SYT13: variants seen among roughly 807,000 people sequenced by gnomAD.
The protein encoded by SYT13 is synaptotagmin 13, also known as synaptotagmin-13.
In SYT13, 21 loss-of-function variants were observed where a neutral mutation model predicts 38.6. The observed-to-expected ratio is 0.54, with a 90% CI of 0.39 to 0.78. The LOEUF (loss-of-function observed/expected upper bound fraction) is 0.78. SYT13 is among the 30% of genes least tolerant of loss of function. The pLI, the probability that SYT13 is intolerant of heterozygous loss-of-function variation, is 0.00. For missense variants in SYT13, 495 were observed against 548.7 expected, an observed-to-expected ratio of 0.90 and a Z score of 0.98; for synonymous variants, 241 against 237.6, an observed-to-expected ratio of 1.01 and a Z score of -0.13.
At chr11:45,263,452 C>T (rs1411978771) in intron 1 of SYT13, among the ~76,000 whole-genome samples, 1 of 152,150 alleles carries the variant, frequency 6.6e-6, no homozygotes. Context: ...TAGCACTGCA[C>T]CACCCAGGAG....
At chr11:45,281,786 C>G (rs11038380) in intron 1 of SYT13, among the ~76,000 whole-genome samples, 1 of 152,186 alleles carries the variant, frequency 6.6e-6, no homozygotes, top group Non-Finnish European at 1.5e-5. Flanking sequence ...GGGGACCTCT[C>G]TGGCATTTGA....
intron 2 of SYT13, among the ~76,000 whole-genome samples, chr11:45,254,821 CAA>C (rs1854724154): frequency 6.6e-6 from 1 of 152,098 alleles, no homozygotes; most frequent in Non-Finnish European, 1.5e-5. Context: ...GAAATAATAA[CAA>C]TATGTTTCGA....
At chr11:45,274,407 A>G (rs574489822) in intron 1 of SYT13, among the ~76,000 whole-genome samples, 2 of 152,354 alleles carry the variant, frequency 1.3e-5, no homozygotes, top group East Asian at 1.9e-4. Flanking sequence ...AGATCATTAG[A>G]TGATGCATTG....
intron 1 of SYT13, chr11:45,285,732 C>T: frequency 1.5e-6 from 1 of 647,748 alleles, no homozygotes; most frequent in South Asian, 1.7e-5. Context: ...ATCCAGGTCC[C>T]CTTTCCTGTC....
At chr11:45,268,544 T>G (rs1357978355) in intron 1 of SYT13, among the ~76,000 whole-genome samples, 1 of 152,216 alleles carries the variant, frequency 6.6e-6, no homozygotes, top group East Asian at 1.9e-4. Flanking sequence ...CCATTCGGTT[T>G]CATTTAAACT....
chr11:45,246,698 G>T (rs1854618509), intron 4 of SYT13, among the ~76,000 whole-genome samples, 186 bp from the exon 5 acceptor site: 2 of 152,300 alleles, frequency 1.3e-5, no homozygotes, highest in South Asian at 2.1e-4. Context: ...ATTCCATGCG[G>T]CATGCGCTTC....
At chr11:45,259,781 A>G (rs952812193) in intron 1 of SYT13, among the ~76,000 whole-genome samples, 6 of 152,168 alleles carry the variant, frequency 3.9e-5, no homozygotes, top group African/African-American at 1.2e-4. Context: ...ATTCCACAGT[A>G]GTAGAAGTCC....
intron 5 of SYT13, among the ~76,000 whole-genome samples, chr11:45,244,809 A>G (rs913271991): frequency 2.0e-5 from 3 of 152,198 alleles, no homozygotes; most frequent in East Asian, 3.9e-4. Context: ...GGCCAATACC[A>G]TGATATAGAA....
chr11:45,279,605 G>T (rs1401093786), intron 1 of SYT13, among the ~76,000 whole-genome samples: 2 of 152,102 alleles, frequency 1.3e-5, no homozygotes, highest in Non-Finnish European at 2.9e-5. Flanking sequence ...TTTTAATATG[G>T]TTAAAATGCT....
chr11:45,285,352 CAG>C (rs1464704194), intron 1 of SYT13, among the ~76,000 whole-genome samples: 1 of 152,198 alleles, frequency 6.6e-6, no homozygotes, highest in Admixed American at 6.5e-5. Context: ...GGGACGTCTG[CAG>C]AGACATCTTG....
intron 2 of SYT13, among the ~76,000 whole-genome samples, chr11:45,254,946 T>A (rs529746983): frequency 0.015 from 908 of 62,330 alleles, 6 homozygotes; most frequent in Non-Finnish European, 0.038. Context: ...AGATCTCATG[T>A]CTACAAAAAA....
At position 45,252,512 on chromosome 11, in the gene SYT13, T is replaced by C. The variant is rs1231287614; in HGVS notation, c.755A>G (p.His252Arg). 3 of 1,614,000 alleles carry C rather than the reference T, an allele frequency of 1.9e-6. No homozygotes were observed. Among genetic ancestry groups the C allele is most frequent in the Non-Finnish European group, 2.5e-6 (3 of 1,180,012 alleles). Residue 252 changes from histidine to arginine, a missense_variant, in exon 4 of 6, where the codon CAC becomes CGC. Physicochemically the swap from His to Arg is conservative, Grantham distance 29. Coordinates refer to ENST00000020926, the MANE Select transcript of SYT13 (RefSeq NM_020826.3). The surrounding 1 kb of genome is among the most constrained non-coding windows in gnomAD (Gnocchi z 4.3). ...CAGGCGGAGCTCCCCGGCCACGCTG[T>C]GACGGGAGAAGCGGTCGCAGGTCCT... Reference protein sequence around the residue: ...TLRTCDRFSRHSVAGELRLGL... With the variant: ...TLRTCDRFSRRSVAGELRLGL...
At chr11:45,264,998 C>G (rs1854864482) in intron 1 of SYT13, among the ~76,000 whole-genome samples, 1 of 152,138 alleles carries the variant, frequency 6.6e-6, no homozygotes, top group Non-Finnish European at 1.5e-5. Flanking sequence ...CGTATTTATC[C>G]AAGAGAAAGG....
intron 1 of SYT13, among the ~76,000 whole-genome samples, chr11:45,265,363 C>T (rs1854869118): frequency 6.6e-6 from 1 of 152,244 alleles, no homozygotes; most frequent in African/African-American, 2.4e-5. Context: ...GGCAGTGGAG[C>T]TGCTATTGAC....
At position 45,284,875 on chromosome 11, in the gene SYT13, C is replaced by T. The variant is rs74958363; in HGVS notation, c.183+1150G>A. On this transcript the variant is annotated intron_variant, in intron 1 of 5. Transcript: ENST00000020926. ...TCCTATTTAGCCACTGTCAATGTCA[C>T]TGTTCTTGGATTATAAGTGCCTCAA... Among the ~76,000 whole-genome samples the T allele has an allele frequency of 6.5e-3, 988 of 152,352 alleles. 8 individuals carry two copies. Among genetic ancestry groups the T allele is most frequent in the South Asian group, 0.01 (49 of 4,826 alleles).
At chr11:45,271,362 G>C (rs559256518) in intron 1 of SYT13, among the ~76,000 whole-genome samples, 1 of 152,308 alleles carries the variant, frequency 6.6e-6, no homozygotes, top group South Asian at 2.1e-4. Flanking sequence ...GATGTGATCA[G>C]AGAAGGCTTC....
intron 1 of SYT13, among the ~76,000 whole-genome samples, chr11:45,273,369 C>T (rs574634617): frequency 5.9e-5 from 9 of 152,206 alleles, no homozygotes; most frequent in South Asian, 2.1e-4. Context: ...TCCTCTTGTC[C>T]TCAGATCTCC....
intron 4 of SYT13, among the ~76,000 whole-genome samples, chr11:45,247,130 C>A (rs1565375037): frequency 6.6e-6 from 1 of 152,190 alleles, no homozygotes; most frequent in East Asian, 1.9e-4. Context: ...TGTGAGGCAT[C>A]CAAACAAACA....
intron 1 of SYT13, among the ~76,000 whole-genome samples, chr11:45,257,865 C>T (rs922710700): frequency 8.5e-5 from 13 of 152,224 alleles, no homozygotes; most frequent in African/African-American, 2.9e-4. Flanking sequence ...CCACTTCCTG[C>T]CCCTGCATTT....
Sources: gnomAD v4.1 joint callset for allele counts (sites outside exome capture counted in the v4.1 genomes callset) on GRCh38, gnomAD v4.1.1 for gene constraint, Gnocchi (gnomAD v3.1) non-coding constraint, MANE v1.5 for transcripts, NCBI Gene and HGNC (gene_info 2026-07-23, HGNC 2026-07-21) for gene names.